The following RRP12 variants were observed in gnomAD, a reference collection of about 807,000 sequenced individuals.
The protein encoded by RRP12 is ribosomal RNA processing 12 homolog.
A neutral mutation model predicts 157.3 loss-of-function variants in RRP12; 78 were observed. The observed-to-expected ratio is 0.50, with a 90% CI of 0.41 to 0.60. The LOEUF (loss-of-function observed/expected upper bound fraction) is 0.60, where lower values mean the gene tolerates loss of function less well. Among genes scored for constraint, RRP12 ranks in the 20% least tolerant of loss-of-function variants. The probability of loss-of-function intolerance (pLI) is 0.00; values close to 1 mark genes in which losing one functional copy is unlikely to be tolerated. For missense variants in RRP12, 1,521 were observed against 1,679.9 expected, an observed-to-expected ratio of 0.91 and a Z score of 1.65; for synonymous variants, 726 against 670.9, an observed-to-expected ratio of 1.08 and a Z score of -1.27.
At chr10:97,360,103 G>C (rs1843804011) in intron 31 of RRP12, among the ~76,000 whole-genome samples, 1 of 152,226 alleles carries the variant, frequency 6.6e-6, no homozygotes, top group African/African-American at 2.4e-5. Flanking sequence ...CCCAGAGATA[G>C]AAATAGAGGG....
chr10:97,380,583 T>C (rs1379755985), intron 13 of RRP12, among the ~76,000 whole-genome samples: 1 of 152,176 alleles, frequency 6.6e-6, no homozygotes, highest in Non-Finnish European at 1.5e-5. Context: ...CAGCAAAGAC[T>C]AGTGAGCAGG....
intron 17 of RRP12, among the ~76,000 whole-genome samples, 163 bp from the exon 18 acceptor site, chr10:97,373,363 G>C (rs1021333247): frequency 1.3e-5 from 2 of 152,176 alleles, no homozygotes; most frequent in African/African-American, 4.8e-5. Flanking sequence ...GGCATGGAGA[G>C]CCTGGTGCCC....
At chr10:97,373,947 G>T in intron 15 of RRP12, 53 bp from the exon 16 acceptor site, 1 of 1,538,094 alleles carries the variant, frequency 6.5e-7, no homozygotes, top group Non-Finnish European at 8.9e-7. Context: ...CTGGCCAACA[G>T]CCTTATTTAC....
In RRP12 at chr10:97,385,226, T is replaced by A. The variant is rs185124153; in HGVS notation, c.1148A>T (p.Asp383Val). The stretch of plus-strand genomic sequence containing the variant: ...AAGCCAGGCTAGCAGGGGTTGTAAA[T>A]CATTCTCACTGGGAACATAGTCGTA... ...ALYDYVPSEN[D>V]LQPLLAWLKV... is the part of the protein sequence containing the mutation. The change falls in exon 10 of 34, where the codon GAT becomes GTT. Residue 383 changes from aspartate to valine, a missense_variant. By Grantham distance (152) the Asp-to-Val change is radical. Transcript: ENST00000370992. 1 of 1,614,006 alleles carries A rather than the reference T, an allele frequency of 6.2e-7. No homozygotes were observed. Among genetic ancestry groups the A allele is most frequent in the East Asian group, 2.2e-5 (1 of 44,874 alleles).
At chr10:97,376,557 G>T (rs1844314388) in intron 15 of RRP12, among the ~76,000 whole-genome samples, 1 of 152,110 alleles carries the variant, frequency 6.6e-6, no homozygotes, top group Non-Finnish European at 1.5e-5. Flanking sequence ...ACAAGATCAT[G>T]TGTGAAATCA....
At chr10:97,399,105 C>A (rs1275570400) in intron 2 of RRP12, among the ~76,000 whole-genome samples, 1 of 151,994 alleles carries the variant, frequency 6.6e-6, no homozygotes, top group Non-Finnish European at 1.5e-5. Flanking sequence ...GAAACCCTGT[C>A]TCTATTAAAA....
In RRP12 at chr10:97,373,539, T is replaced by C. The variant is rs199823242; in HGVS notation, c.2026+36A>G. 4.5e-6 allele frequency: 7 copies of C among 1,551,926 alleles called. No homozygotes were observed. The East Asian group carries it at 1.6e-4, about 35-fold the overall frequency. ...GGGATGGGGCCAGGGACCTGTGTCATCCTCCCCAGCCCCCACTCCCACAGC... is the reference window on the plus strand; with the variant it reads ...GGGATGGGGCCAGGGACCTGTGTCACCCTCCCCAGCCCCCACTCCCACAGC... On this transcript the variant is annotated intron_variant, in intron 17 of 33. Coordinates refer to ENST00000370992, the MANE Select transcript of RRP12 (RefSeq NM_015179.4).
rs1844615649 is a variant in RRP12, at chr10:97,385,842, C to T, written c.1116+53G>A. ...AGGGCCAGTGCCCCCAGCACAGCCT[C>T]CCAAGGCACCACCCCCGACCTAATG... On this transcript the variant is annotated intron_variant, in intron 9 of 33. Coordinates refer to ENST00000370992, the MANE Select transcript of RRP12 (RefSeq NM_015179.4). The T allele has an allele frequency of 8.9e-6, 12 of 1,352,080 alleles. No individual in the cohort carries two copies. The South Asian group carries it at 1.5e-4, about 17-fold the overall frequency. The allele number at this position is 1,352,080 out of a possible 1,614,324, so 83.8% of individuals were successfully genotyped here.
chr10:97,360,721 C>A, intron 30 of RRP12, 103 bp from the exon 31 acceptor site: 1 of 863,080 alleles, frequency 1.2e-6, no homozygotes, highest in South Asian at 1.4e-5. Flanking sequence ...GCAGGAGAGG[C>A]CCTCTGCTAA....
intron 2 of RRP12, among the ~76,000 whole-genome samples, chr10:97,397,862 A>G (rs2133103219): frequency 6.6e-6 from 1 of 150,594 alleles, no homozygotes; most frequent in East Asian, 1.9e-4. Context: ...GGGAATTGGA[A>G]GGCTGATCAG....
intron 2 of RRP12, 136 bp from the exon 3 acceptor site, chr10:97,396,437 T>G (rs1844967687): frequency 1.4e-6 from 1 of 695,922 alleles, no homozygotes; most frequent in Non-Finnish European, 2.6e-6. Flanking sequence ...ATTCAGGGCC[T>G]AGGTCCATAC....
intron 6 of RRP12, among the ~76,000 whole-genome samples, chr10:97,390,055 A>AT (rs1172934324): frequency 2.0e-5 from 3 of 152,096 alleles, no homozygotes; most frequent in Non-Finnish European, 4.4e-5. Flanking sequence ...GCTCAGAGAG[A>AT]TTAAGTAACT....
Position 97,401,171 on chromosome 10 carries a change from C to T in RRP12, c.61G>A (p.Gly21Ser), listed in dbSNP as rs1354991212. 6 of 1,614,150 alleles carry T rather than the reference C, an allele frequency of 3.7e-6. No homozygotes were observed. In the South Asian group the frequency reaches 4.4e-5, roughly 12 times the overall value. Residue 21 changes from glycine (G) to serine (S), a missense_variant, in exon 1 of 34, where the codon GGC (glycine) becomes AGC (serine). Transcript: ENST00000370992. Reference protein sequence around the residue: ...VSAKLKRWKKGHSSDSNPAIC... With the variant: ...VSAKLKRWKKSHSSDSNPAIC... ...GCGGGGTTGCTGTCGCTGCTGTGGC[C>T]TTTCTTCCAGCGCTTCAACTTAGCT...
chr10:97,395,163 C>CA (rs1205694763), intron 3 of RRP12, among the ~76,000 whole-genome samples: 1 of 151,184 alleles, frequency 6.6e-6, no homozygotes, highest in Non-Finnish European at 1.5e-5. Context: ...CAAACAACAA[C>CA]AAAAAAACCC....
At chr10:97,375,941 T>C (rs1286762260) in intron 15 of RRP12, among the ~76,000 whole-genome samples, 1 of 151,938 alleles carries the variant, frequency 6.6e-6, no homozygotes, top group East Asian at 1.9e-4. Flanking sequence ...TTGTCTCTAC[T>C]AAAAATAAAA....
In RRP12 at chr10:97,357,101, C is replaced by T. The variant is rs1214251676; in HGVS notation, c.3887G>A (p.Arg1296Gln). The T allele has an allele frequency of 8.1e-6, 13 of 1,610,002 alleles. No homozygotes were observed. Among genetic ancestry groups the T allele is most frequent in the East Asian group, 2.2e-5 (1 of 44,786 alleles). ...VGHKNRRKDR[R>Q]P ...GCCCAGGGGCCCTGGGCCTCAGGGT[C>T]GACGATCCTTTCTGCGGTTTTTGTG... Residue 1296 changes from arginine (R) to glutamine (Q), a missense_variant, in exon 34 of 34, where the codon CGA becomes CAA. Coordinates refer to ENST00000370992, the MANE Select transcript of RRP12 (RefSeq NM_015179.4).
chr10:97,399,387 A>G (rs1256813646), intron 2 of RRP12, among the ~76,000 whole-genome samples: 1 of 152,166 alleles, frequency 6.6e-6, no homozygotes, highest in East Asian at 1.9e-4. Flanking sequence ...TATTGGACAG[A>G]GCTGGTCCAG....
rs150090174 is a variant in RRP12 at position 97,366,528 on chromosome 10, C to T, written c.3309G>A (p.Gln1103=). The T allele has an allele frequency of 3.1e-6, 5 of 1,614,144 alleles. No individual in the cohort carries two copies. Among genetic ancestry groups the T allele is most frequent in the Non-Finnish European group, 4.2e-6 (5 of 1,180,042 alleles). The change falls in exon 28 of 34, where the codon CAG becomes CAA. Residue 1103 remains glutamine, a synonymous_variant. Transcript: ENST00000370992. Reference sequence around the variant, plus strand: ...CCTCTTTCAGCCATGCCCGGCTCCTCTGTCGTGCCAGCTTCCGCTGCTCCT... The same window carrying T: ...CCTCTTTCAGCCATGCCCGGCTCCTTTGTCGTGCCAGCTTCCGCTGCTCCT... The part of the protein sequence containing the change: ...RGKEQRKLAR[Q]RSRAWLKEGG...
chr10:97,397,494 C>G (rs1845000294), intron 2 of RRP12, among the ~76,000 whole-genome samples: 1 of 151,958 alleles, frequency 6.6e-6, no homozygotes, highest in African/African-American at 2.4e-5. Context: ...TTTTTCAATC[C>G]ATGCTTGGTT....
Sources: gnomAD v4.1 joint callset for allele counts (sites outside exome capture counted in the v4.1 genomes callset) on GRCh38, gnomAD v4.1.1 for gene constraint, MANE v1.5 for transcripts, NCBI Gene and HGNC (gene_info 2026-07-23, HGNC 2026-07-21) for gene names.